HHLA1: variants seen among roughly 807,000 people sequenced by gnomAD.
HHLA1 encodes the protein HERV-H LTR-associating protein 1.
In HHLA1, 72 loss-of-function variants were observed where a neutral mutation model predicts 69.9. The ratio of observed to expected loss-of-function variants is 1.03; its 90% CI spans 0.85 to 1.25. The LOEUF (loss-of-function observed/expected upper bound fraction) is 1.25. Ranked by LOEUF, HHLA1 falls within the 50% of genes most tolerant of loss-of-function variation. The pLI, the probability that HHLA1 is intolerant of heterozygous loss-of-function variation, is 0.00. For missense variants in HHLA1, 685 were observed against 642.2 expected (o/e 1.07, Z -0.72); for synonymous variants, 252 against 233.2 (o/e 1.08, Z -0.73).
chr8:132,108,235 A>G (rs1037949540), intron 1 of HHLA1, among the ~76,000 whole-genome samples: 1 of 152,232 alleles, frequency 6.6e-6, no homozygotes, highest in Non-Finnish European at 1.5e-5. Flanking sequence ...AGTGTCTGGC[A>G]TGGAGCAAGT....
intron 15 of HHLA1, among the ~76,000 whole-genome samples, 163 bp downstream of exon 15, chr8:132,071,177 G>C (rs761539756): frequency 6.6e-6 from 1 of 152,202 alleles, no homozygotes; most frequent in Non-Finnish European, 1.5e-5. Context: ...GGATGTGACT[G>C]TCTAGTAAAG....
chr8:132,075,946 C>G, intron 14 of HHLA1, 109 bp downstream of exon 14: 1 of 777,196 alleles, frequency 1.3e-6, no homozygotes, highest in Admixed American at 2.4e-5. Context: ...GATTTGAATC[C>G]CATGAGTCTG....
chr8:132,079,193 C>A (rs1823696710), intron 11 of HHLA1, among the ~76,000 whole-genome samples: 2 of 152,236 alleles, frequency 1.3e-5, no homozygotes, highest in African/African-American at 4.8e-5. Flanking sequence ...TCCTGCAGGT[C>A]ATTGGCGGCA....
chr8:132,080,090 T>C (rs1421007357), intron 10 of HHLA1, 124 bp from the exon 11 acceptor site: 4 of 1,303,326 alleles, frequency 3.1e-6, no homozygotes, highest in Non-Finnish European at 4.3e-6. Context: ...ATTAAAAGTA[T>C]CAGGCATTTG....
Position 132,085,234 on chromosome 8 carries a change from T to C in HHLA1, c.676+2419A>G, listed in dbSNP as rs78485938. On this transcript the variant is annotated intron_variant, in intron 10 of 16. Transcript: ENST00000414222. ...TGCCTTCCCAGTCCGTGACCGGCGCTGGAGTTTTGGGTTCACGGATAAAAC... is the reference window on the plus strand; with the variant it reads ...TGCCTTCCCAGTCCGTGACCGGCGCCGGAGTTTTGGGTTCACGGATAAAAC... 6.0e-3 allele frequency among the ~76,000 whole-genome samples: 914 copies of C among 152,254 alleles called. 7 individuals are homozygous for C. Among genetic ancestry groups the C allele is most frequent in the African/African-American group, 0.021 (881 of 41,520 alleles).
At chr8:132,076,919 C>T (rs1823655883) in intron 12 of HHLA1, among the ~76,000 whole-genome samples, 1 of 152,076 alleles carries the variant, frequency 6.6e-6, no homozygotes. Flanking sequence ...TTAGTGTACA[C>T]CTTGATCCAT....
intron 12 of HHLA1, among the ~76,000 whole-genome samples, chr8:132,077,323 T>C (rs1486184416): frequency 6.6e-6 from 1 of 151,910 alleles, no homozygotes; most frequent in Non-Finnish European, 1.5e-5. Context: ...CAGTAAGCAG[T>C]GTGCTGTGGC....
At chr8:132,090,581 A>G (rs542335578) in intron 7 of HHLA1, among the ~76,000 whole-genome samples, 2 of 152,280 alleles carry the variant, frequency 1.3e-5, no homozygotes, top group African/African-American at 4.8e-5. Flanking sequence ...AGACCAACAG[A>G]TGATGGGCAC....
intron 15 of HHLA1, 26 bp from the exon 16 acceptor site, chr8:132,065,994 G>A (rs1309467175): frequency 1.9e-6 from 2 of 1,075,704 alleles, no homozygotes; most frequent in Non-Finnish European, 2.6e-6. Context: ...AGAGCAGGGA[G>A]CAATAACTAT....
Position 132,108,063 on chromosome 8 carries a change from T to C in HHLA1, c.-21-2777A>G, listed in dbSNP as rs1021987647. Among the ~76,000 whole-genome samples, 58 of 152,270 alleles carry C rather than the reference T, an allele frequency of 3.8e-4. 1 individual carries two copies. Among genetic ancestry groups the C allele is most frequent in the African/African-American group, 1.4e-3 (58 of 41,552 alleles). On this transcript the variant is annotated intron_variant, in intron 1 of 16. Transcript: ENST00000414222. ...AACCTTCACTCAGTCAAAAAGCATT[T>C]GTGGAGCTCATGGCATAGTTGTTAC...
In HHLA1 at chr8:132,087,413, TGA is replaced by T. The variant is rs1482062672; in HGVS notation, c.676+238_676+239del. 1.6e-4 allele frequency among the ~76,000 whole-genome samples: 25 copies of T among 152,054 alleles called. 1 individual carries two copies. Among genetic ancestry groups the T allele is most frequent in the Admixed American group, 1.5e-3 (23 of 15,258 alleles). ...AAAGGTGCCCTTCCTAGTGGGGGAA[TGA>T]GAGTGGCAGTTACTCAGCTCCAGTT... On this transcript the variant is annotated intron_variant, in intron 10 of 16. Coordinates refer to ENST00000414222, the MANE Select transcript of HHLA1 (RefSeq NM_001145095.3).
At chr8:132,076,582 C>A in intron 12 of HHLA1, 39 bp from the exon 13 acceptor site, 1 of 1,366,588 alleles carries the variant, frequency 7.3e-7, no homozygotes, top group South Asian at 1.5e-5. Context: ...TGCATCTCTT[C>A]TAGGGGGCCC....
chr8:132,073,214 T>G lies in HHLA1; in HGVS notation c.1316-1721A>C, dbSNP rs537920539. Among the ~76,000 whole-genome samples, 6 of 152,250 alleles carry G rather than the reference T, an allele frequency of 3.9e-5. No homozygotes were observed. The East Asian group carries it at 1.2e-3, about 29-fold the overall frequency. ...GGCTGGTCTGAAACTCCTGGGCTCA[T>G]GTAATTCTCCCACCTCAGCCTCCCA... On this transcript the variant is annotated intron_variant, in intron 14 of 16. Transcript: ENST00000414222.
intron 2 of HHLA1, 108 bp downstream of exon 2, chr8:132,105,079 C>A: frequency 1.2e-6 from 1 of 839,612 alleles, no homozygotes; most frequent in Non-Finnish European, 2.0e-6. Context: ...TGAACAAATT[C>A]ATTTGGATTC....
At chr8:132,087,962 A>T in intron 8 of HHLA1, 61 bp from the exon 9 acceptor site, 1 of 1,293,442 alleles carries the variant, frequency 7.7e-7, no homozygotes, top group Non-Finnish European at 1.1e-6. Context: ...TAAGTCTTTG[A>T]TTGAAATGAA....
chr8:132,087,934 G>A (rs1426981028), intron 8 of HHLA1, 33 bp from the exon 9 acceptor site: 1 of 1,480,874 alleles, frequency 6.8e-7, no homozygotes, highest in Non-Finnish European at 9.2e-7. Flanking sequence ...ATAAGACTTA[G>A]CCATGGGTCT....
At chr8:132,086,086 G>A (rs1452136406) in intron 10 of HHLA1, among the ~76,000 whole-genome samples, 1 of 152,146 alleles carries the variant, frequency 6.6e-6, no homozygotes, top group African/African-American at 2.4e-5. Context: ...AGAGTTAGCA[G>A]GAGGGCTTAA....
intron 16 of HHLA1, among the ~76,000 whole-genome samples, chr8:132,065,126 A>G (rs1823412161): frequency 3.3e-5 from 5 of 151,974 alleles, no homozygotes; most frequent in African/African-American, 7.2e-5. Context: ...GTGAGAGATA[A>G]AAAAAAGCTG....
Position 132,100,077 on chromosome 8 carries a change from G to C in HHLA1, c.197C>G (p.Thr66Arg). 1 of 1,551,138 alleles carries C rather than the reference G, an allele frequency of 6.4e-7. No individual in the cohort carries two copies. The change falls in exon 4 of 17, where the codon ACG becomes AGG. Residue 66 changes from threonine to arginine, a missense_variant and splice_region_variant. Physicochemically the swap from Thr to Arg is moderately conservative, Grantham distance 71. Coordinates refer to ENST00000414222, the MANE Select transcript of HHLA1 (RefSeq NM_001145095.3). Reference protein sequence around the residue: ...KEKGVAFLATTELPARSIDLS... With the variant: ...KEKGVAFLATRELPARSIDLS... The stretch of plus-strand genomic sequence containing the variant: ...GGATTTGGGGGAGCGGCACTCACCC[G>C]TCGTAGCAAGAAATGCCACCCCCTT...
Sources: allele counts gnomAD v4.1 joint callset (sites outside exome capture counted in the v4.1 genomes callset), GRCh38; gene constraint gnomAD v4.1.1; transcripts MANE v1.5; gene names NCBI Gene and HGNC (gene_info 2026-07-23, HGNC 2026-07-21).